Variants in SPIRE1 observed in about 807,000 individuals in gnomAD.
SPIRE1 encodes the protein spire type actin nucleation factor 1.
In SPIRE1, 40 loss-of-function variants were observed where a neutral mutation model predicts 94.1. That is an observed-to-expected ratio of 0.43 (90% CI 0.33 to 0.55). The LOEUF is 0.55. SPIRE1 is among the 20% of genes least tolerant of loss of function. SPIRE1 has a pLI of 0.06. For synonymous variants in SPIRE1, 376 were observed against 371.7 expected (o/e 1.01, Z -0.13); for missense variants, 838 against 975.2 (o/e 0.86, Z 1.87).
At chr18:12,644,894 A>G (rs535823267) in intron 1 of SPIRE1, among the ~76,000 whole-genome samples, 2 of 152,198 alleles carry the variant, frequency 1.3e-5, no homozygotes, top group Non-Finnish European at 2.9e-5. Flanking sequence ...TTTGAGTCTC[A>G]TAACAATTTC....
At position 12,529,225 on chromosome 18, in the gene SPIRE1, C is replaced by T. The variant is rs560615819; in HGVS notation, c.729+6251G>A. On this transcript the variant is annotated intron_variant, in intron 4 of 16. Transcript: ENST00000409402. ...TCTACTAAAAATACAAAAAATTAGC[C>T]GGACGTGGTGGCGGGCGCCTGTAGT... Among the ~76,000 whole-genome samples, 907 of 152,114 alleles carry T rather than the reference C, an allele frequency of 6.0e-3. 4 individuals are homozygous for T. Among genetic ancestry groups the T allele is most frequent in the Middle Eastern group, 0.02 (6 of 294 alleles).
At chr18:12,576,364 G>A (rs894366797) in intron 2 of SPIRE1, among the ~76,000 whole-genome samples, 2 of 151,672 alleles carry the variant, frequency 1.3e-5, no homozygotes, top group Non-Finnish European at 2.9e-5. Flanking sequence ...TTGGGAGGCT[G>A]AGACGGGTGA....
chr18:12,617,721 T>A (rs2037352293), intron 2 of SPIRE1, among the ~76,000 whole-genome samples: 1 of 151,810 alleles, frequency 6.6e-6, no homozygotes, highest in African/African-American at 2.4e-5. Flanking sequence ...CCCGGCTAAT[T>A]TATTTTATAC....
In SPIRE1 at chr18:12,504,741, G is replaced by A. The variant is rs143679815; in HGVS notation, c.972+1736C>T. ...TGTAAGGGAGACAGACAATAAATCC[G>A]GAAATACACTGCAATGTCAGCTAGT... On this transcript the variant is annotated intron_variant, in intron 6 of 16. Coordinates refer to ENST00000409402, the MANE Select transcript of SPIRE1 (RefSeq NM_001128626.2). 8.5e-5 allele frequency among the ~76,000 whole-genome samples: 13 copies of A among 152,212 alleles called. No homozygotes were observed. In the East Asian group the frequency reaches 1.9e-3, roughly 23 times the overall value.
intron 2 of SPIRE1, among the ~76,000 whole-genome samples, chr18:12,617,257 C>G (rs563594610): frequency 6.6e-6 from 1 of 151,702 alleles, no homozygotes; most frequent in South Asian, 2.1e-4. Flanking sequence ...CTCTGTCACC[C>G]AGGCTGGAGT....
At chr18:12,646,531 A>C (rs1350882816) in intron 1 of SPIRE1, among the ~76,000 whole-genome samples, 4 of 152,154 alleles carry the variant, frequency 2.6e-5, no homozygotes, top group Non-Finnish European at 5.9e-5. Flanking sequence ...TTTCACTAAA[A>C]ATCCAGGAAG....
chr18:12,637,425 G>A (rs184095873), intron 1 of SPIRE1, among the ~76,000 whole-genome samples: 29 of 151,682 alleles, frequency 1.9e-4, no homozygotes, highest in African/African-American at 6.5e-4. Context: ...AAGATAAAGA[G>A]AATTACAAAG....
At chr18:12,496,842 CT>C in intron 6 of SPIRE1, among the ~76,000 whole-genome samples, 1 of 152,040 alleles carries the variant, frequency 6.6e-6, no homozygotes, top group Admixed American at 6.5e-5. Flanking sequence ...GCACTCCAGT[CT>C]GGGTGACAAA....
intron 1 of SPIRE1, among the ~76,000 whole-genome samples, chr18:12,655,119 A>G (rs924379517): frequency 2.0e-5 from 3 of 151,976 alleles, no homozygotes; most frequent in Non-Finnish European, 2.9e-5. Flanking sequence ...TTAGCAGGCC[A>G]AGGCAGTTGG....
chr18:12,545,295 C>T (rs2035130821), intron 3 of SPIRE1, among the ~76,000 whole-genome samples: 1 of 152,160 alleles, frequency 6.6e-6, no homozygotes, highest in Admixed American at 6.5e-5. Context: ...AGAAGCACTA[C>T]ACATCTTAAA....
At chr18:12,543,753 T>G (rs1380264952) in intron 3 of SPIRE1, among the ~76,000 whole-genome samples, 1 of 152,228 alleles carries the variant, frequency 6.6e-6, no homozygotes, top group African/African-American at 2.4e-5. Flanking sequence ...TTCTTAAACA[T>G]CCTATTATTT....
At chr18:12,464,990 C>T in intron 10 of SPIRE1, 32 bp from the exon 11 acceptor site, 1 of 1,595,492 alleles carries the variant, frequency 6.3e-7, no homozygotes, top group East Asian at 2.2e-5. Flanking sequence ...AAATCGACTT[C>T]TTAGACATTT....
chr18:12,565,436 G>A (rs2035793252), intron 2 of SPIRE1, among the ~76,000 whole-genome samples: 1 of 152,050 alleles, frequency 6.6e-6, no homozygotes, highest in East Asian at 1.9e-4. Context: ...GTGCAGTGGT[G>A]CAATCACAGC....
chr18:12,489,661 T>C (rs1469642572), intron 8 of SPIRE1, among the ~76,000 whole-genome samples: 1 of 152,148 alleles, frequency 6.6e-6, no homozygotes, highest in African/African-American at 2.4e-5. Context: ...GGAAAATAGG[T>C]AAATAAAACC....
intron 2 of SPIRE1, among the ~76,000 whole-genome samples, chr18:12,558,026 A>G (rs1364063220): frequency 6.6e-6 from 1 of 152,218 alleles, no homozygotes; most frequent in East Asian, 1.9e-4. Context: ...AAATAAAATC[A>G]TACTGGATTA....
chr18:12,608,157 CA>C (rs11390238), intron 2 of SPIRE1, among the ~76,000 whole-genome samples: 11,741 of 128,976 alleles, frequency 0.091, 573 homozygotes, highest in Middle Eastern at 0.19. Context: ...GACTCCATCT[CA>C]AAAAAAAAAA....
intron 2 of SPIRE1, among the ~76,000 whole-genome samples, chr18:12,555,939 C>T (rs2035491716): frequency 6.6e-6 from 1 of 152,006 alleles, no homozygotes; most frequent in Non-Finnish European, 1.5e-5. Context: ...GAACCCCTCC[C>T]GAAAATCTAT....
chr18:12,491,695 AACG>A (rs1397040983), intron 8 of SPIRE1, among the ~76,000 whole-genome samples: 2 of 152,196 alleles, frequency 1.3e-5, no homozygotes, highest in African/African-American at 4.8e-5. Flanking sequence ...GGGACACAAC[AACG>A]AACAAGACAG....
At chr18:12,600,519 A>T (rs79525930) in intron 2 of SPIRE1, among the ~76,000 whole-genome samples, 1 of 151,864 alleles carries the variant, frequency 6.6e-6, no homozygotes, top group East Asian at 1.9e-4. Flanking sequence ...TAGTTTTAAC[A>T]ACCACTGATG....
Sources: allele counts gnomAD v4.1 joint callset (sites outside exome capture counted in the v4.1 genomes callset), GRCh38; gene constraint gnomAD v4.1.1; transcripts MANE v1.5; gene names NCBI Gene and HGNC (gene_info 2026-07-23, HGNC 2026-07-21).